The following CCDC88A variants were observed in gnomAD, a reference collection of about 807,000 sequenced individuals.
CCDC88A encodes coiled-coil and HOOK domain protein 88A.
In CCDC88A, 54 loss-of-function variants were observed where a neutral mutation model predicts 234.3. That is an observed-to-expected ratio of 0.23 (90% confidence interval 0.19 to 0.29). The LOEUF (loss-of-function observed/expected upper bound fraction) is 0.29, where lower values mean the gene tolerates loss of function less well. Among genes scored for constraint, CCDC88A ranks in the 10% least tolerant of loss-of-function variants. The pLI, the probability that CCDC88A is intolerant of heterozygous loss-of-function variation, is 1.00. For synonymous variants in CCDC88A, 753 were observed against 737.8 expected, an observed-to-expected ratio of 1.02 and a Z score of -0.33; for missense variants, 1,832 against 2,123.4, an observed-to-expected ratio of 0.86 and a Z score of 2.70.
intron 2 of CCDC88A, among the ~76,000 whole-genome samples, chr2:55,400,810 G>A (rs1678487139): frequency 6.6e-6 from 1 of 152,102 alleles, no homozygotes; most frequent in Non-Finnish European, 1.5e-5. Context: ...CTTAACTGAT[G>A]GTGGTTTTTG....
intron 10 of CCDC88A, among the ~76,000 whole-genome samples, 164 bp from the exon 11 acceptor site, chr2:55,344,678 AC>A (rs1286218559): frequency 6.6e-6 from 1 of 152,066 alleles, no homozygotes; most frequent in Non-Finnish European, 1.5e-5. Flanking sequence ...CTTCCTTTTT[AC>A]CCCAGAATGC....
In CCDC88A at chr2:55,335,940, C is replaced by A. The variant is rs968780114; in HGVS notation, c.1656+741G>T. On this transcript the variant is annotated intron_variant, in intron 14 of 32. Transcript: ENST00000436346. The surrounding 1 kb of genome is among the most constrained non-coding windows in gnomAD (Gnocchi z 4.5). ...AAGCATGGTGGCTGGCACCTATAAT[C>A]CTAGCACTTCGGGAGGCTGAGGCAG... 2.6e-5 allele frequency among the ~76,000 whole-genome samples: 4 copies of A among 152,006 alleles called. No homozygotes were observed. Among genetic ancestry groups the A allele is most frequent in the Admixed American group, 6.6e-5 (1 of 15,256 alleles).
intron 3 of CCDC88A, among the ~76,000 whole-genome samples, chr2:55,387,467 G>A (rs1046976871): frequency 1.1e-4 from 16 of 151,922 alleles, no homozygotes; most frequent in Non-Finnish European, 1.8e-4. Context: ...TAAACCAGGA[G>A]AAAGGAAAAA....
At chr2:55,323,973 A>T (rs1263538084) in intron 17 of CCDC88A, 1 of 152,218 alleles carries the variant, frequency 6.6e-6, no homozygotes, top group Non-Finnish European at 1.5e-5. Flanking sequence ...TGGCCTCCCA[A>T]AGTGCTGGGA....
At chr2:55,350,187 G>A in intron 8 of CCDC88A, 1 of 152,514 alleles carries the variant, frequency 6.6e-6, no homozygotes, top group East Asian at 1.9e-4. Context: ...AAAGTGCTGG[G>A]ATTACAGGCG....
At position 55,419,383 on chromosome 2, in the gene CCDC88A, G is replaced by C. The variant is rs1681969844; in HGVS notation, c.-304C>G. ...AGGAGGAGGAAGGGAAAGGGGGCTG[G>C]AACCCAAGACAAAAAGCCCGTCAAG... On this transcript the variant is annotated 5_prime_UTR_variant, in exon 1 of 33. Coordinates refer to ENST00000436346, the MANE Select transcript of CCDC88A (RefSeq NM_001365480.1). The C allele has an allele frequency of 1.4e-5, 5 of 363,476 alleles. No individual in the cohort carries two copies. The South Asian group carries it at 1.5e-4, about 11-fold the overall frequency. The allele number at this position is 363,476 out of a possible 1,614,324, so 22.5% of individuals were successfully genotyped here.
chr2:55,378,115 T>C (rs191209684), intron 3 of CCDC88A, among the ~76,000 whole-genome samples: 35 of 152,296 alleles, frequency 2.3e-4, no homozygotes, highest in African/African-American at 7.9e-4. Context: ...TAAGCAAAAT[T>C]GTCCCAATGG....
At chr2:55,375,030 A>C in intron 3 of CCDC88A, 147 bp from the exon 4 acceptor site, 1 of 515,376 alleles carries the variant, frequency 1.9e-6, no homozygotes, top group Non-Finnish European at 3.6e-6. Flanking sequence ...AAGGTCTTAA[A>C]TCTTTTGTAA....
intron 2 of CCDC88A, among the ~76,000 whole-genome samples, chr2:55,396,845 G>T (rs1382293503): frequency 7.1e-6 from 1 of 140,700 alleles, no homozygotes. Context: ...ACTGCAGCCT[G>T]GGCAACGGAG....
intron 2 of CCDC88A, among the ~76,000 whole-genome samples, chr2:55,410,797 G>A (rs1345462290): frequency 1.3e-5 from 2 of 152,014 alleles, no homozygotes; most frequent in Admixed American, 6.6e-5. Context: ...GGAGGCTGAG[G>A]TGAGAGGATC....
chr2:55,357,366 A>ATC (rs1237936884), intron 7 of CCDC88A, among the ~76,000 whole-genome samples: 3 of 113,904 alleles, frequency 2.6e-5, no homozygotes, highest in Non-Finnish European at 3.6e-5. Flanking sequence ...TTCCCTCTCT[A>ATC]TCTCTCTCTC....
intron 31 of CCDC88A, chr2:55,292,699 A>G (rs1679565299): frequency 6.6e-6 from 1 of 152,262 alleles, no homozygotes; most frequent in South Asian, 2.1e-4. Context: ...CGTCTCTACT[A>G]AAAATACAAA....
At chr2:55,414,071 C>G (rs1323416227) in intron 2 of CCDC88A, among the ~76,000 whole-genome samples, 6 of 152,026 alleles carry the variant, frequency 3.9e-5, no homozygotes, top group Non-Finnish European at 5.9e-5. Flanking sequence ...AAGTTTATCA[C>G]AATTACCAAG....
chr2:55,295,917 T>C lies in CCDC88A; in HGVS notation c.5231A>G (p.Tyr1744Cys), dbSNP rs1225703949. The C allele has an allele frequency of 4.3e-6, 7 of 1,614,052 alleles. No homozygotes were observed. The highest frequency in any genetic ancestry group is 2.2e-5 in the East Asian group (1 of 44,894). Residue 1744 changes from tyrosine (Y) to cysteine (C), a missense_variant, in exon 31 of 33, where the codon TAT becomes TGT. Tyr to Cys is a radical substitution (Grantham distance 194). Transcript: ENST00000436346. Reference protein sequence around the residue: ...SVSGKTPGDFYDRRTTKPEFL... With the variant: ...SVSGKTPGDFCDRRTTKPEFL... The stretch of plus-strand genomic sequence containing the variant: ...CTCAGGCTTAGTTGTCCGTCTATCA[T>C]AGAAGTCCCCTGGGGTTTTTCCACT...
chr2:55,359,326 G>A (rs1670986308), intron 7 of CCDC88A, among the ~76,000 whole-genome samples: 1 of 151,984 alleles, frequency 6.6e-6, no homozygotes, highest in African/African-American at 2.4e-5. Context: ...TCTATCAAGA[G>A]CTTCTAGAAG....
intron 18 of CCDC88A, among the ~76,000 whole-genome samples, chr2:55,319,418 G>C (rs759832119): frequency 2.0e-5 from 3 of 152,062 alleles, no homozygotes; most frequent in Non-Finnish European, 4.4e-5. Flanking sequence ...TTTACCCAAA[G>C]GCAAATATAT....
Position 55,419,049 on chromosome 2 carries a change from C to G in CCDC88A, c.31G>C (p.Glu11Gln), listed in dbSNP as rs1422515419. The G allele has an allele frequency of 6.2e-7, 1 of 1,613,232 alleles. No individual in the cohort carries two copies. The highest frequency in any genetic ancestry group is 8.5e-7 in the Non-Finnish European group (1 of 1,179,286). MENEIFTPLL[E>Q]QFMTSPLVTW... Reference sequence around the variant, plus strand: ...ACCAAAGGGCTGGTCATGAACTGCTCCAGAAGGGGAGTAAAAATTTCGTTC... The same window carrying G: ...ACCAAAGGGCTGGTCATGAACTGCTGCAGAAGGGGAGTAAAAATTTCGTTC... Residue 11 changes from glutamate to glutamine, a missense_variant, in exon 1 of 33, where the codon GAG becomes CAG. By Grantham distance (29) the Glu-to-Gln change is conservative (BLOSUM62 2). Transcript: ENST00000436346.
At chr2:55,361,171 T>C (rs1465097869) in intron 7 of CCDC88A, among the ~76,000 whole-genome samples, 2 of 152,136 alleles carry the variant, frequency 1.3e-5, no homozygotes, top group East Asian at 3.8e-4. Flanking sequence ...AACTGGAGGA[T>C]ACCTTATTGT....
intron 8 of CCDC88A, among the ~76,000 whole-genome samples, chr2:55,353,972 A>G (rs748415538): frequency 2.0e-5 from 3 of 152,188 alleles, no homozygotes; most frequent in Non-Finnish European, 2.9e-5. Context: ...ATAGCCTACT[A>G]TATACCTAGG....
Sources: gnomAD v4.1 joint callset for allele counts (sites outside exome capture counted in the v4.1 genomes callset) on GRCh38, gnomAD v4.1.1 for gene constraint, Gnocchi (gnomAD v3.1) non-coding constraint, MANE v1.5 for transcripts, NCBI Gene and HGNC (gene_info 2026-07-23, HGNC 2026-07-21) for gene names.